SOX5: variants seen among roughly 807,000 people sequenced by gnomAD.
SOX5 encodes the protein SRY-box transcription factor 5, also known as transcription factor SOX-5.
A neutral mutation model predicts 92.0 loss-of-function variants in SOX5; 9 were observed. The ratio of observed to expected loss-of-function variants is 0.10; its 90% CI spans 0.06 to 0.17. SOX5 has a LOEUF of 0.17. Among genes scored for constraint, SOX5 ranks in the 10% least tolerant of loss-of-function variants. SOX5 has a pLI of 1.00. For missense variants in SOX5, 642 were observed against 944.5 expected, an observed-to-expected ratio of 0.68 and a Z score of 4.20; for synonymous variants, 344 against 336.3, an observed-to-expected ratio of 1.02 and a Z score of -0.25.
At chr12:23,608,141 A>AAAAAAAAAAAAAAT (rs2075501701) in intron 8 of SOX5, among the ~76,000 whole-genome samples, 1 of 143,976 alleles carries the variant, frequency 6.9e-6, no homozygotes, top group African/African-American at 2.5e-5. Flanking sequence ...AAAAAAAAAA[A>AAAAAAAAAAAAAAT]GGCTGAGCTG....
At chr12:24,365,167 C>A (rs1956039526) in intron 2 of SOX5, among the ~76,000 whole-genome samples, 1 of 152,034 alleles carries the variant, frequency 6.6e-6, no homozygotes, top group African/African-American at 2.4e-5. Flanking sequence ...AGGTGACACA[C>A]TGTAACGTCT....
At chr12:23,764,918 A>C (rs1194487648) in intron 3 of SOX5, among the ~76,000 whole-genome samples, 1 of 152,092 alleles carries the variant, frequency 6.6e-6, no homozygotes, top group Non-Finnish European at 1.5e-5. Flanking sequence ...AACAAATCAC[A>C]ATCTCAGCCT....
chr12:24,472,959 A>G (rs535126698), intron 1 of SOX5, among the ~76,000 whole-genome samples: 1 of 152,232 alleles, frequency 6.6e-6, no homozygotes, highest in East Asian at 1.9e-4. Context: ...AATATCAACA[A>G]TCTATGAAAT....
At chr12:24,010,347 A>G (rs1371448351) in intron 4 of SOX5, among the ~76,000 whole-genome samples, 1 of 152,206 alleles carries the variant, frequency 6.6e-6, no homozygotes, top group African/African-American at 2.4e-5. Context: ...AATATGTGTA[A>G]GATGAATGAA....
At chr12:24,362,866 G>GAAAAA (rs35979193) in intron 2 of SOX5, among the ~76,000 whole-genome samples, 2 of 102,156 alleles carry the variant, frequency 2.0e-5, no homozygotes, top group Non-Finnish European at 3.9e-5. Context: ...AAACCACAGT[G>GAAAAA]AAAAAAAAAA....
At chr12:23,557,619 C>A (rs1038388371) in intron 11 of SOX5, among the ~76,000 whole-genome samples, 1 of 152,214 alleles carries the variant, frequency 6.6e-6, no homozygotes. Flanking sequence ...TATCAAGCAA[C>A]GTCTTCTTGT....
rs748415651 is a variant in SOX5 at position 23,584,601 on chromosome 12, AACTG to A, written c.1165-8767_1165-8764del. On this transcript the variant is annotated intron_variant, in intron 9 of 14. Transcript: ENST00000451604. Reference sequence around the variant, plus strand: ...TCCAACAGTCTGGTGAACCCACTATAACTGACTGTTTAATGAGTAATGACAGTTA... The same window carrying A: ...TCCAACAGTCTGGTGAACCCACTATAACTGTTTAATGAGTAATGACAGTTA... 1.7e-5 allele frequency: 27 copies of A among 1,607,758 alleles called. No individual in the cohort carries two copies. In the East Asian group the frequency reaches 4.9e-4, roughly 29 times the overall value.
intron 4 of SOX5, among the ~76,000 whole-genome samples, chr12:24,067,906 A>C (rs1032678911): frequency 2.0e-5 from 3 of 152,248 alleles, no homozygotes; most frequent in African/African-American, 7.2e-5. Context: ...GCACTATGGG[A>C]GGCCGAGGCG....
chr12:24,051,843 G>C (rs941375232), intron 4 of SOX5, among the ~76,000 whole-genome samples: 2 of 152,116 alleles, frequency 1.3e-5, no homozygotes, highest in African/African-American at 4.8e-5. Context: ...CATGTTTACT[G>C]TCTCTTCTTA....
intron 4 of SOX5, among the ~76,000 whole-genome samples, chr12:24,157,909 A>T (rs1047810293): frequency 6.6e-6 from 1 of 152,086 alleles, no homozygotes; most frequent in African/African-American, 2.4e-5. Flanking sequence ...TCTGTTCTAC[A>T]CAATAGCCAT....
chr12:24,233,200 GATA>G (rs1383303153), intron 3 of SOX5, among the ~76,000 whole-genome samples: 1 of 152,092 alleles, frequency 6.6e-6, no homozygotes, highest in Non-Finnish European at 1.5e-5. Context: ...TGAGAAAATG[GATA>G]ATGTTTAAAT....
At chr12:24,424,183 G>C (rs113654133) in intron 1 of SOX5, among the ~76,000 whole-genome samples, 2 of 152,270 alleles carry the variant, frequency 1.3e-5, no homozygotes, top group African/African-American at 4.8e-5. Flanking sequence ...TCTGAGAATT[G>C]ACGGCACAGC....
intron 4 of SOX5, among the ~76,000 whole-genome samples, chr12:24,192,134 A>G (rs1196851674): frequency 6.6e-6 from 1 of 152,216 alleles, no homozygotes; most frequent in Non-Finnish European, 1.5e-5. Context: ...CCTATTCACA[A>G]TGCAGAAAAC....
intron 2 of SOX5, among the ~76,000 whole-genome samples, chr12:24,366,782 T>C (rs1396770020): frequency 6.6e-6 from 1 of 152,118 alleles, no homozygotes; most frequent in Non-Finnish European, 1.5e-5. Flanking sequence ...TCTTATTACA[T>C]ATTATCAAAA....
intron 1 of SOX5, among the ~76,000 whole-genome samples, chr12:23,912,191 T>A (rs1250367156): frequency 6.6e-6 from 1 of 152,038 alleles, no homozygotes; most frequent in Non-Finnish European, 1.5e-5. Context: ...GAGAAAAGGA[T>A]CTGAATATAC....
chr12:23,906,646 G>A (rs2097296594), intron 1 of SOX5, among the ~76,000 whole-genome samples: 1 of 152,190 alleles, frequency 6.6e-6, no homozygotes, highest in African/African-American at 2.4e-5. Flanking sequence ...ACAGACACAG[G>A]ATTGTGGGGA....
chr12:23,740,497 C>A (rs2093756308), intron 5 of SOX5, among the ~76,000 whole-genome samples: 2 of 152,158 alleles, frequency 1.3e-5, no homozygotes, highest in Non-Finnish European at 2.9e-5. Context: ...TGTTGAAGCC[C>A]ACAATTTCTT....
intron 1 of SOX5, among the ~76,000 whole-genome samples, chr12:24,492,187 AG>A (rs1286652327): frequency 2.6e-5 from 4 of 152,164 alleles, no homozygotes; most frequent in Non-Finnish European, 4.4e-5. Context: ...CTGGTTAAAA[AG>A]GATTTCATAA....
intron 2 of SOX5, among the ~76,000 whole-genome samples, chr12:24,332,619 C>A (rs867595623): frequency 2.8e-4 from 42 of 151,352 alleles, no homozygotes; most frequent in Admixed American, 1.3e-4. Context: ...TGAAGACAAT[C>A]GAGGTTTGAA....
Sources: allele counts gnomAD v4.1 joint callset (sites outside exome capture counted in the v4.1 genomes callset), GRCh38; gene constraint gnomAD v4.1.1; transcripts MANE v1.5; gene names NCBI Gene and HGNC (gene_info 2026-07-23, HGNC 2026-07-21).